Variants in PPP1R12C observed in about 807,000 individuals in gnomAD.
PPP1R12C encodes the protein leukocyte receptor cluster (LRC) encoded novel gene 3.
PPP1R12C carries 48 observed loss-of-function variants against 95.6 expected under a neutral mutation model. The ratio of observed to expected loss-of-function variants is 0.50; its 90% CI spans 0.40 to 0.64. The LOEUF (loss-of-function observed/expected upper bound fraction) is 0.64, where lower values mean the gene tolerates loss of function less well. Ranked by LOEUF, PPP1R12C falls within the 30% of genes least tolerant of loss-of-function variation. The pLI is 0.00. For missense variants in PPP1R12C, 1,057 were observed against 1,083.3 expected (o/e 0.98, Z 0.34); for synonymous variants, 480 against 460.8 (o/e 1.04, Z -0.53).
In PPP1R12C at chr19:55,091,260, C is replaced by T; in HGVS notation, c.*212G>A. 1.7e-6 allele frequency: 1 copy of T among 596,216 alleles called. No individual in the cohort carries two copies. Among genetic ancestry groups the T allele is most frequent in the Non-Finnish European group, 3.0e-6 (1 of 335,580 alleles). The allele number at this position is 596,216 out of a possible 1,614,324, so 36.9% of individuals were successfully genotyped here. ...CCCTGGTCCCCTCTGGCAACGTCCC[C>T]CTGCTTGGCTCGGCCTCCCACCTCC... is the stretch of plus-strand genomic sequence containing the variant. On this transcript the variant is annotated 3_prime_UTR_variant, in exon 22 of 22. Coordinates refer to ENST00000263433, the MANE Select transcript of PPP1R12C (RefSeq NM_017607.4).
Position 55,112,720 on chromosome 19 carries a change from C to G in PPP1R12C, c.397G>C (p.Glu133Gln). The change falls in exon 2 of 22, where the codon GAG (glutamate) becomes CAG (glutamine). Residue 133 changes from glutamate (E) to glutamine (Q), a missense_variant. Coordinates refer to ENST00000263433, the MANE Select transcript of PPP1R12C (RefSeq NM_017607.4). Reference sequence around the variant, plus strand: ...GCCACGTGCAGTGGCGTCCAGCCCTCGTTGTCTGCCTGGTTCACAGTGGCG... The same window carrying G: ...GCCACGTGCAGTGGCGTCCAGCCCTGGTTGTCTGCCTGGTTCACAGTGGCG... ...QGATVNQADNEGWTPLHVAAS... is the reference protein window; with the variant it reads ...QGATVNQADNQGWTPLHVAAS... The G allele has an allele frequency of 6.2e-7, 1 of 1,613,932 alleles. No individual in the cohort carries two copies. The highest frequency in any genetic ancestry group is 8.5e-7 in the Non-Finnish European group (1 of 1,179,988).
chr19:55,099,666 C>T (rs986741393), intron 4 of PPP1R12C, among the ~76,000 whole-genome samples: 5 of 152,146 alleles, frequency 3.3e-5, no homozygotes, highest in South Asian at 2.1e-4. Context: ...CACCCGGCTG[C>T]GCTCAGAGCG....
Position 55,117,485 on chromosome 19 carries a change from T to C in PPP1R12C, c.59A>G (p.Glu20Gly). The C allele has an allele frequency of 9.8e-7, 1 of 1,020,218 alleles. No individual in the cohort carries two copies. The highest frequency in any genetic ancestry group is 3.8e-5 in the South Asian group (1 of 26,178). The allele number at this position is 1,020,218 out of a possible 1,614,324, so 63.2% of individuals were successfully genotyped here. A position where few individuals can be genotyped will look rare whatever the true frequency, so the allele number is the denominator to read the frequency against. ...GPGAAAAAAR[E>G]RRREQLRQWG... ...CTGCCGCAGCTGCTCCCGTCGCCGCTCCCGGGCAGCCGCCGCCGCCGCCCC... is the reference window on the plus strand; with the variant it reads ...CTGCCGCAGCTGCTCCCGTCGCCGCCCCCGGGCAGCCGCCGCCGCCGCCCC... Residue 20 changes from glutamate to glycine, a missense_variant, in exon 1 of 22, where the codon GAG (glutamate) becomes GGG (glycine). Glu to Gly is a moderately conservative substitution (Grantham distance 98). This residue lies in a region of PPP1R12C where 70 missense variants were observed against 47.8 expected (regional missense o/e 1.46). Transcript: ENST00000263433.
At chr19:55,100,475 G>C (rs1433520988) in intron 4 of PPP1R12C, among the ~76,000 whole-genome samples, 5 of 152,264 alleles carry the variant, frequency 3.3e-5, no homozygotes, top group Non-Finnish European at 7.3e-5. Flanking sequence ...CACAGGCCCA[G>C]ATCTGTCTTG....
At chr19:55,116,483 T>C (rs2085155152) in intron 1 of PPP1R12C, among the ~76,000 whole-genome samples, 1 of 151,554 alleles carries the variant, frequency 6.6e-6, no homozygotes. Context: ...GGGAAGGATC[T>C]GGGCCAGCCG....
intron 3 of PPP1R12C, chr19:55,111,600 C>T (rs960448011): frequency 2.0e-5 from 3 of 152,082 alleles, no homozygotes; most frequent in Admixed American, 6.5e-5. Context: ...CCTGAACCCA[C>T]GCGGAATCCT....
intron 4 of PPP1R12C, 71 bp from the exon 5 acceptor site, chr19:55,099,166 G>C (rs1168774481): frequency 2.8e-6 from 4 of 1,438,428 alleles, no homozygotes; most frequent in Non-Finnish European, 3.7e-6. Context: ...TTCGGCCAGC[G>C]GTTTGGTAAC....
rs781627404 is a variant in PPP1R12C at position 55,096,350 on chromosome 19, G to A, written c.952-15C>T. On this transcript the variant is annotated splice_polypyrimidine_tract_variant and intron_variant, in intron 6 of 21. Coordinates refer to ENST00000263433, the MANE Select transcript of PPP1R12C (RefSeq NM_017607.4). ...TGGTTCCGAAGCTGCAAGGAGGGAA[G>A]GGGGCTGCAGGGGAGGGGTGGAGCA... The A allele has an allele frequency of 5.6e-6, 9 of 1,612,150 alleles. No individual in the cohort carries two copies. The highest frequency in any genetic ancestry group is 7.6e-6 in the Non-Finnish European group (9 of 1,179,422).
In PPP1R12C at chr19:55,117,277, G is replaced by C; in HGVS notation, c.267C>G (p.Pro89=). ...TGGTGGAGTCCAGCACGGCGCGGGC[G>C]GGCGGCGGCGCGGCGGGGTCGAGCT... is the stretch of plus-strand genomic sequence containing the variant. The part of the protein sequence containing the change: ...GAELDPAAPP[P]ARAVLDSTNA... The change falls in exon 1 of 22, where the codon CCC becomes CCG. Residue 89 remains proline, a synonymous_variant. Coordinates refer to ENST00000263433, the MANE Select transcript of PPP1R12C (RefSeq NM_017607.4). The C allele has an allele frequency of 8.2e-7, 1 of 1,223,190 alleles. No individual in the cohort carries two copies. Among genetic ancestry groups the C allele is most frequent in the Non-Finnish European group, 1.0e-6 (1 of 983,658 alleles). The allele number at this position is 1,223,190 out of a possible 1,614,324, so 75.8% of individuals were successfully genotyped here.
At chr19:55,101,233 C>T (rs12982699) in intron 4 of PPP1R12C, among the ~76,000 whole-genome samples, 13,785 of 152,004 alleles carry the variant, frequency 0.091, 761 homozygotes, top group East Asian at 0.24. Context: ...GGCAACAGAG[C>T]GAGACTCCAT....
Position 55,117,438 on chromosome 19 carries a change from C to G in PPP1R12C, c.106G>C (p.Glu36Gln). Residue 36 changes from glutamate to glutamine, a missense_variant, in exon 1 of 22, where the codon GAG becomes CAG. Transcript: ENST00000263433. The stretch of plus-strand genomic sequence containing the variant: ...GCGCGGCGCTCTCCGGGGCCAGGCT[C>G]GGCGCCCGCCCGCGCCCCCCACTGC... ...LRQWGARAGA[E>Q]PGPGERRART... 3 of 996,400 alleles carry G rather than the reference C, an allele frequency of 3.0e-6. No individual in the cohort carries two copies. The highest frequency in any genetic ancestry group is 1.2e-6 in the Non-Finnish European group (1 of 839,346). The allele number at this position is 996,400 out of a possible 1,614,324, so 61.7% of individuals were successfully genotyped here. A position where few individuals can be genotyped will look rare whatever the true frequency, so the allele number is the denominator to read the frequency against.
rs1156950281 is a variant in PPP1R12C, at chr19:55,113,372, G to T, written c.322-577C>A. ...CAGGGGCCTGGGCGGGACTCCCAGAGGGGTGAGACAGCTGCACACCTGTGT... is the reference window on the plus strand; with the variant it reads ...CAGGGGCCTGGGCGGGACTCCCAGATGGGTGAGACAGCTGCACACCTGTGT... On this transcript the variant is annotated intron_variant, in intron 1 of 21. Coordinates refer to ENST00000263433, the MANE Select transcript of PPP1R12C (RefSeq NM_017607.4). The T allele has an allele frequency of 6.3e-6, 9 of 1,426,650 alleles. No homozygotes were observed. The African/African-American group carries it at 1.2e-4, about 18-fold the overall frequency. The allele number at this position is 1,426,650 out of a possible 1,614,324, so 88.4% of individuals were successfully genotyped here.
chr19:55,112,325 G>A lies in PPP1R12C; in HGVS notation c.571+142C>T, dbSNP rs1603006399. ...CAGGCCCCTACACCCCCATTTCACA[G>A]GTGAGGAAACTGAGGCACAAAGAAA... On this transcript the variant is annotated intron_variant, in intron 3 of 21. Transcript: ENST00000263433. 1.1e-5 allele frequency: 8 copies of A among 731,466 alleles called. No homozygotes were observed. The East Asian group carries it at 2.2e-4, about 20-fold the overall frequency. The allele number at this position is 731,466 out of a possible 1,614,324, so 45.3% of individuals were successfully genotyped here.
Position 55,112,772 on chromosome 19 carries a change from C to T in PPP1R12C, c.345G>A (p.Glu115=), listed in dbSNP as rs2085112075. 6.2e-7 allele frequency: 1 copy of T among 1,613,330 alleles called. No individual in the cohort carries two copies. Among genetic ancestry groups the T allele is most frequent in the East Asian group, 2.2e-5 (1 of 44,870 alleles). ...LHQACIDENL[E]VVRFLVEQGA... ...CCTGCTCCACCAAGAAGCGCACCAC[C>T]TCCAGGTTCTCATCAATGCAGGCCT... The change falls in exon 2 of 22, where the codon GAG becomes GAA. Residue 115 remains glutamate (E), a synonymous_variant. Transcript: ENST00000263433.
At position 55,095,951 on chromosome 19, in the gene PPP1R12C, G is replaced by A. The variant is rs768039538; in HGVS notation, c.1154-11C>T. On this transcript the variant is annotated splice_polypyrimidine_tract_variant and intron_variant, in intron 8 of 21. Transcript: ENST00000263433. The stretch of plus-strand genomic sequence containing the variant: ...CTGCAGGGGGTGGTTCTGTGATGTG[G>A]GAACACCGGGCAGGTCACAGAAGAT... 6.2e-7 allele frequency: 1 copy of A among 1,611,796 alleles called. No individual in the cohort carries two copies. Among genetic ancestry groups the A allele is most frequent in the East Asian group, 2.2e-5 (1 of 44,850 alleles).
chr19:55,113,433 AG>A, intron 1 of PPP1R12C: 1 of 1,503,934 alleles, frequency 6.6e-7, no homozygotes. Flanking sequence ...CAGTTCACTG[AG>A]GCCCCCTCTG....
At position 55,112,721 on chromosome 19, in the gene PPP1R12C, G is replaced by A. The variant is rs61688601; in HGVS notation, c.396C>T (p.Asn132=). The A allele has an allele frequency of 2.0e-5, 33 of 1,613,858 alleles. No homozygotes were observed. Among genetic ancestry groups the A allele is most frequent in the Middle Eastern group, 1.6e-4 (1 of 6,062 alleles). Residue 132 remains asparagine (N), a synonymous_variant, in exon 2 of 22, where the codon AAC becomes AAT. Coordinates refer to ENST00000263433, the MANE Select transcript of PPP1R12C (RefSeq NM_017607.4). The stretch of plus-strand genomic sequence containing the variant: ...CCACGTGCAGTGGCGTCCAGCCCTC[G>A]TTGTCTGCCTGGTTCACAGTGGCGC... ...EQGATVNQAD[N]EGWTPLHVAA...
At chr19:55,097,300 C>T (rs2084928531) in intron 6 of PPP1R12C, among the ~76,000 whole-genome samples, 1 of 101,542 alleles carries the variant, frequency 9.8e-6, no homozygotes, top group Non-Finnish European at 2.0e-5. Flanking sequence ...CACCCCTTCC[C>T]CACGCAGTTC....
Position 55,091,851 on chromosome 19 carries a change from C to T in PPP1R12C, c.2211+8G>A, listed in dbSNP as rs749033989. ...CCTCTGGCCCCCATCCCCACTGCCC[C>T]TACTCACGAATCTCTCCAGTTCCAG... On this transcript the variant is annotated splice_region_variant and intron_variant, in intron 20 of 21. Transcript: ENST00000263433. 1.9e-6 allele frequency: 3 copies of T among 1,613,486 alleles called. No individual in the cohort carries two copies. The Admixed American group carries it at 5.0e-5, about 27-fold the overall frequency.
Sources: allele counts gnomAD v4.1 joint callset (sites outside exome capture counted in the v4.1 genomes callset), GRCh38; gene constraint gnomAD v4.1.1; regional missense constraint gnomAD v4.1.1; transcripts MANE v1.5; gene names NCBI Gene and HGNC (gene_info 2026-07-23, HGNC 2026-07-21).